The following FOXK1 variants were observed in gnomAD, a reference collection of about 807,000 sequenced individuals.
FOXK1 encodes forkhead box K1.
FOXK1 carries 19 observed loss-of-function variants against 51.9 expected under a neutral mutation model. That is an observed-to-expected ratio of 0.37 (90% CI 0.26 to 0.54). FOXK1 has a LOEUF of 0.54. Ranked by LOEUF, FOXK1 falls within the 20% of genes least tolerant of loss-of-function variation. The pLI is 0.87. For synonymous variants in FOXK1, 537 were observed against 482.6 expected (o/e 1.11, Z -1.48); for missense variants, 870 against 1,032.7 (o/e 0.84, Z 2.16).
intron 7 of FOXK1, among the ~76,000 whole-genome samples, chr7:4,760,783 G>A (rs1205745278): frequency 2.0e-5 from 3 of 152,086 alleles, no homozygotes; most frequent in Admixed American, 6.6e-5. Flanking sequence ...CCCGGGAGGC[G>A]GAGGTTGCAG....
chr7:4,735,294 C>T lies in FOXK1; in HGVS notation c.561-5544C>T, dbSNP rs554879225. ...GGGTGGACCTGGGAAAAACCCAGGG[C>T]TGGAGTAGACCCTCAGTGTGGGAGC... On this transcript the variant is annotated intron_variant, in intron 1 of 8. Coordinates refer to ENST00000328914, the MANE Select transcript of FOXK1 (RefSeq NM_001037165.2). This position sits in a 1 kb window ranked among gnomAD's most constrained non-coding sequence, Gnocchi z 4.7. Among the ~76,000 whole-genome samples the T allele has an allele frequency of 1.8e-4, 28 of 152,302 alleles. No homozygotes were observed. The highest frequency in any genetic ancestry group is 3.4e-4 in the Non-Finnish European group (23 of 68,026).
In FOXK1 at chr7:4,697,693, T is replaced by C. The variant is rs1384438119; in HGVS notation, c.560+14825T>C. ...TTTGGGAATATGAATAGGATCTTTT[T>C]TTCTTATTATTTTCTAAAGGTTAGT... On this transcript the variant is annotated intron_variant, in intron 1 of 8. Coordinates refer to ENST00000328914, the MANE Select transcript of FOXK1 (RefSeq NM_001037165.2). Among the ~76,000 whole-genome samples the C allele has an allele frequency of 2.6e-5, 4 of 151,864 alleles. No individual in the cohort carries two copies. In the South Asian group the frequency reaches 6.2e-4, roughly 24 times the overall value.
At position 4,766,123 on chromosome 7, in the gene FOXK1, A is replaced by T. The variant is rs1239357457; in HGVS notation, c.*3659A>T. ...ACACCTGCCCTCCGTTGAGGGTGGA[A>T]TCTGTCACTCATGCCTTTGAGGGAC... On this transcript the variant is annotated 3_prime_UTR_variant, in exon 9 of 9. Transcript: ENST00000328914. This position sits in a 1 kb window ranked among gnomAD's most constrained non-coding sequence, Gnocchi z 5.5. 1 of 152,220 alleles carries T rather than the reference A, an allele frequency of 6.6e-6. No homozygotes were observed. Among genetic ancestry groups the T allele is most frequent in the Non-Finnish European group, 1.5e-5 (1 of 68,054 alleles). The allele number at this position is 152,220 out of a possible 1,614,324, so 9.4% of individuals were successfully genotyped here.
Position 4,759,140 on chromosome 7 carries a change from C to G in FOXK1, c.1334C>G (p.Ser445Cys). 1.2e-6 allele frequency: 2 copies of G among 1,612,460 alleles called. No homozygotes were observed. The highest frequency in any genetic ancestry group is 1.7e-6 in the Non-Finnish European group (2 of 1,179,892). The change falls in exon 6 of 9, where the codon TCC becomes TGC. Residue 445 changes from serine (S) to cysteine (C), a missense_variant. By Grantham distance (112) the Ser-to-Cys change is moderately radical (BLOSUM62 -1). Coordinates refer to ENST00000328914, the MANE Select transcript of FOXK1 (RefSeq NM_001037165.2). ...CCAGAGTGCCTGTCTCGGGAGGGCT[C>G]CCCCATTCCACACGACCCTGAGTTT... ...QTPECLSREGSPIPHDPEFGS... is the reference protein window; with the variant it reads ...QTPECLSREGCPIPHDPEFGS...
At position 4,683,886 on chromosome 7, in the gene FOXK1, G is replaced by A. The variant is rs1779785454; in HGVS notation, c.560+1018G>A. Among the ~76,000 whole-genome samples the A allele has an allele frequency of 1.3e-5, 2 of 152,188 alleles. No homozygotes were observed. Among genetic ancestry groups the A allele is most frequent in the Admixed American group, 1.3e-4 (2 of 15,280 alleles). ...GAGCAGAGGCCTGGCGGGGAGGGGC[G>A]AGGACAGGAAGCCTGTGCCTCAGTT... On this transcript the variant is annotated intron_variant, in intron 1 of 8. Coordinates refer to ENST00000328914, the MANE Select transcript of FOXK1 (RefSeq NM_001037165.2). This position sits in a 1 kb window ranked among gnomAD's most constrained non-coding sequence, Gnocchi z 4.5.
intron 1 of FOXK1, among the ~76,000 whole-genome samples, chr7:4,737,852 G>C (rs1159029547): frequency 6.6e-6 from 1 of 152,196 alleles, no homozygotes; most frequent in Non-Finnish European, 1.5e-5. Flanking sequence ...GCCGGGTGTG[G>C]TGGCTCACGC....
chr7:4,746,804 C>T (rs992577649), intron 2 of FOXK1, among the ~76,000 whole-genome samples: 5 of 152,262 alleles, frequency 3.3e-5, no homozygotes, highest in Non-Finnish European at 5.9e-5. Flanking sequence ...GGAATCCTGC[C>T]TGGCTGATCT....
rs1194447944 is a variant in FOXK1, at chr7:4,769,881, G to A, written c.*7417G>A. The A allele has an allele frequency of 6.6e-6, 1 of 152,216 alleles. No homozygotes were observed. The highest frequency in any genetic ancestry group is 2.4e-5 in the African/African-American group (1 of 41,444). 9.4% of individuals were successfully genotyped at this position (152,216 alleles called of 1,614,324 possible). A position where few individuals can be genotyped will look rare whatever the true frequency, so the allele number is the denominator to read the frequency against. On this transcript the variant is annotated 3_prime_UTR_variant, in exon 9 of 9. Coordinates refer to ENST00000328914, the MANE Select transcript of FOXK1 (RefSeq NM_001037165.2). This position sits in a 1 kb window ranked among gnomAD's most constrained non-coding sequence, Gnocchi z 4.1. ...TTTCTGGAATTGTTTGCTCATTTGAGTGGTTGGTGGTTTGCCCTGTGTCAG... is the reference window on the plus strand; with the variant it reads ...TTTCTGGAATTGTTTGCTCATTTGAATGGTTGGTGGTTTGCCCTGTGTCAG...
rs1481776414 is a variant in FOXK1, at chr7:4,729,950, A to G, written c.561-10888A>G. Reference sequence around the variant, plus strand: ...GTTTGCAGTGAGCTGAGATCCAGCCACTGCCCTCCAGCCTGGGCGACAGAG... The same window carrying G: ...GTTTGCAGTGAGCTGAGATCCAGCCGCTGCCCTCCAGCCTGGGCGACAGAG... On this transcript the variant is annotated intron_variant, in intron 1 of 8. Coordinates refer to ENST00000328914, the MANE Select transcript of FOXK1 (RefSeq NM_001037165.2). The surrounding 1 kb of genome is among the most constrained non-coding windows in gnomAD (Gnocchi z 6.2). Among the ~76,000 whole-genome samples the G allele has an allele frequency of 6.6e-6, 1 of 152,170 alleles. No homozygotes were observed. Among genetic ancestry groups the G allele is most frequent in the Non-Finnish European group, 1.5e-5 (1 of 68,030 alleles).
At chr7:4,708,361 G>A (rs754357586) in intron 1 of FOXK1, among the ~76,000 whole-genome samples, 7 of 152,120 alleles carry the variant, frequency 4.6e-5, no homozygotes, top group African/African-American at 9.7e-5. Flanking sequence ...TCGGGATCCG[G>A]CCTCCTTCAT....
chr7:4,687,228 G>A (rs959631807), intron 1 of FOXK1, among the ~76,000 whole-genome samples: 3 of 151,940 alleles, frequency 2.0e-5, no homozygotes, highest in Non-Finnish European at 2.9e-5. Flanking sequence ...CACCACGCCC[G>A]GCCTTTTTTT....
chr7:4,737,716 C>T (rs1394821137), intron 1 of FOXK1, among the ~76,000 whole-genome samples: 1 of 152,222 alleles, frequency 6.6e-6, no homozygotes, highest in Non-Finnish European at 1.5e-5. Flanking sequence ...AGGTCAGGGA[C>T]ACCAGTCCCA....
chr7:4,695,449 G>A (rs1030639538), intron 1 of FOXK1, among the ~76,000 whole-genome samples: 2 of 152,320 alleles, frequency 1.3e-5, no homozygotes, highest in Non-Finnish European at 2.9e-5. Flanking sequence ...TGGTAGAAAT[G>A]TTTTATATCT....
Position 4,757,000 on chromosome 7 carries a change from A to G in FOXK1, c.1057A>G (p.Ile353Val), listed in dbSNP as rs1337785043. ...TATCTCTGCTTCCCTGCAGAATTCT[A>G]TCCGGCACAACCTCTCTTTGAACCG... ...RTADKGWQNS[I>V]RHNLSLNRYF... Residue 353 changes from isoleucine to valine, a missense_variant, in exon 5 of 9, where the codon ATC becomes GTC. Ile to Val is a conservative substitution (Grantham distance 29). This residue lies in a region of FOXK1 where 14 missense variants were observed against 46.3 expected (regional missense o/e 0.30). Transcript: ENST00000328914. The surrounding 1 kb of genome is among the most constrained non-coding windows in gnomAD (Gnocchi z 4.1). 5 of 1,613,486 alleles carry G rather than the reference A, an allele frequency of 3.1e-6. 1 individual carries two copies. The highest frequency in any genetic ancestry group is 4.2e-6 in the Non-Finnish European group (5 of 1,179,890).
intron 1 of FOXK1, among the ~76,000 whole-genome samples, chr7:4,721,050 G>A (rs796153518): frequency 1.3e-5 from 2 of 152,248 alleles, no homozygotes; most frequent in East Asian, 1.9e-4. Flanking sequence ...GTTAAGTTTT[G>A]TAGTTTTCTC....
intron 2 of FOXK1, among the ~76,000 whole-genome samples, chr7:4,751,588 G>C (rs1311529564): frequency 6.6e-6 from 1 of 152,222 alleles, no homozygotes; most frequent in African/African-American, 2.4e-5. Flanking sequence ...GGTATCGGGG[G>C]CCTTGGTATC....
chr7:4,739,674 G>A (rs1389721255), intron 1 of FOXK1, among the ~76,000 whole-genome samples: 6 of 152,204 alleles, frequency 3.9e-5, no homozygotes, highest in African/African-American at 4.8e-5. Context: ...AGAACTGATC[G>A]TGAAGCCGGT....
chr7:4,687,870 T>C (rs147095976), intron 1 of FOXK1, among the ~76,000 whole-genome samples: 1 of 152,278 alleles, frequency 6.6e-6, no homozygotes, highest in East Asian at 1.9e-4. Context: ...CCATGTTTTC[T>C]GAAGTGAATG....
At chr7:4,692,338 C>G (rs1351607611) in intron 1 of FOXK1, among the ~76,000 whole-genome samples, 1 of 152,168 alleles carries the variant, frequency 6.6e-6, no homozygotes, top group Non-Finnish European at 1.5e-5. Flanking sequence ...GTAGCCTTTT[C>G]AGATATTGTG....
Sources: gnomAD v4.1 joint callset for allele counts (sites outside exome capture counted in the v4.1 genomes callset) on GRCh38, gnomAD v4.1.1 for gene constraint, gnomAD v4.1.1 regional missense constraint, Gnocchi (gnomAD v3.1) non-coding constraint, MANE v1.5 for transcripts, NCBI Gene and HGNC (gene_info 2026-07-23, HGNC 2026-07-21) for gene names.